Variants in TNFRSF13B observed in about 807,000 individuals in gnomAD.
TNFRSF13B encodes the protein tumor necrosis factor receptor superfamily member 13B.
TNFRSF13B carries 34 observed loss-of-function variants against 24.0 expected under a neutral mutation model. That is an observed-to-expected ratio of 1.41 (90% confidence interval 1.08 to 1.88). The LOEUF is 1.88. TNFRSF13B is among the 40% of genes most tolerant of loss of function. TNFRSF13B has a pLI of 0.00. For missense variants in TNFRSF13B, 415 were observed against 380.8 expected (o/e 1.09, Z -0.75); for synonymous variants, 173 against 150.3 (o/e 1.15, Z -1.10).
At chr17:16,940,731 C>T (rs1245853861) in intron 3 of TNFRSF13B, 1 of 1,439,892 alleles carries the variant, frequency 6.9e-7, no homozygotes, top group Admixed American at 2.6e-5. Context: ...GGCCTCAAAG[C>T]TGGAAACGTG....
At chr17:16,945,804 C>G (rs1297395177) in intron 3 of TNFRSF13B, among the ~76,000 whole-genome samples, 2 of 152,202 alleles carry the variant, frequency 1.3e-5, no homozygotes, top group Non-Finnish European at 2.9e-5. Context: ...GGTTTCCCCC[C>G]TCCCCCAGCT....
chr17:16,966,270 A>AAAAAAC (rs2087698803), intron 1 of TNFRSF13B, among the ~76,000 whole-genome samples: 1 of 151,854 alleles, frequency 6.6e-6, no homozygotes, highest in African/African-American at 2.4e-5. Flanking sequence ...AAAAACACCA[A>AAAAAAC]AAAAACAAAA....
intron 4 of TNFRSF13B, 174 bp from the exon 5 acceptor site, chr17:16,939,971 G>C: frequency 1.9e-6 from 2 of 1,036,406 alleles, no homozygotes; most frequent in South Asian, 3.5e-5. Flanking sequence ...CCTGTGCCGG[G>C]GCAGGGGTGG....
rs746147731 is a variant in TNFRSF13B at position 16,962,501 on chromosome 17, G to A, written c.61+9514C>T. On this transcript the variant is annotated intron_variant, in intron 1 of 4. Transcript: ENST00000261652. The stretch of plus-strand genomic sequence containing the variant: ...CAGCCTGGGCCACAGAGTGAGACTC[G>A]GTCTCCCCCCCCAAAAAAAAAGAAA... Among the ~76,000 whole-genome samples, 191 of 150,854 alleles carry A rather than the reference G, an allele frequency of 1.3e-3. 1 individual carries two copies. Among genetic ancestry groups the A allele is most frequent in the Non-Finnish European group, 1.5e-3 (105 of 67,744 alleles).
chr17:16,970,285 G>A (rs532148434), intron 1 of TNFRSF13B, among the ~76,000 whole-genome samples: 56 of 152,274 alleles, frequency 3.7e-4, no homozygotes, highest in Non-Finnish European at 4.7e-4. Flanking sequence ...CACTAGCTGT[G>A]TGGGCTGGGC....
In TNFRSF13B at chr17:16,939,451, C is replaced by G. The variant is rs1597656075; in HGVS notation, c.*96G>C. ...CTCTCCCTCTCTGCCTCCTCTGTCT[C>G]TCTCTCCTCATATCTCTCTCCCCTC... is the stretch of plus-strand genomic sequence containing the variant. On this transcript the variant is annotated 3_prime_UTR_variant, in exon 5 of 5. Transcript: ENST00000261652. The G allele has an allele frequency of 5.7e-6, 8 of 1,391,762 alleles. No individual in the cohort carries two copies. The highest frequency in any genetic ancestry group is 2.5e-5 in the East Asian group (1 of 39,236). The allele number at this position is 1,391,762 out of a possible 1,614,324, so 86.2% of individuals were successfully genotyped here.
intron 4 of TNFRSF13B, chr17:16,940,029 G>A (rs1324698671): frequency 1.7e-5 from 16 of 955,282 alleles, no homozygotes; most frequent in East Asian, 2.7e-5. Context: ...AGCCTGCCAC[G>A]CCCCCCAAGG....
chr17:16,970,129 C>T (rs1235480893), intron 1 of TNFRSF13B, among the ~76,000 whole-genome samples: 3 of 152,194 alleles, frequency 2.0e-5, no homozygotes, highest in Non-Finnish European at 4.4e-5. Flanking sequence ...CCTCTACCAC[C>T]ATGTGGACCT....
At position 16,948,182 on chromosome 17, in the gene TNFRSF13B, C is replaced by A. The variant is rs1353642847; in HGVS notation, c.445+556G>T. Among the ~76,000 whole-genome samples, 5 of 152,024 alleles carry A rather than the reference C, an allele frequency of 3.3e-5. No individual in the cohort carries two copies. The East Asian group carries it at 9.6e-4, about 29-fold the overall frequency. On this transcript the variant is annotated intron_variant, in intron 3 of 4. Coordinates refer to ENST00000261652, the MANE Select transcript of TNFRSF13B (RefSeq NM_012452.3). ...CAGGAACAACAGACACTGGGGCCTA[C>A]TAGAAGGGGGAGGCAGAGAGAGAGG... is the stretch of plus-strand genomic sequence containing the variant.
intron 1 of TNFRSF13B, among the ~76,000 whole-genome samples, chr17:16,965,127 A>G (rs1177697479): frequency 6.6e-6 from 1 of 152,076 alleles, no homozygotes; most frequent in African/African-American, 2.4e-5. Flanking sequence ...TTTCTTTTGT[A>G]GAGACAGGGT....
intron 3 of TNFRSF13B, among the ~76,000 whole-genome samples, chr17:16,943,460 A>G (rs1308908715): frequency 2.0e-5 from 3 of 152,106 alleles, no homozygotes; most frequent in African/African-American, 7.2e-5. Flanking sequence ...CTCCAGTTCT[A>G]ATCTCATGCC....
chr17:16,939,510 A>G lies in TNFRSF13B; in HGVS notation c.*37T>C, dbSNP rs188626884. On this transcript the variant is annotated 3_prime_UTR_variant, in exon 5 of 5. Transcript: ENST00000261652. ...TCTCTTTCTCTCTCCCCTCCTCTCC[A>G]TCTCTCTCCCTCCTCCTTTCCCTCC... The G allele has an allele frequency of 2.0e-3, 3,037 of 1,535,994 alleles. 57 individuals are homozygous for G. The African/African-American group carries it at 0.041, about 21-fold the overall frequency.
chr17:16,956,172 A>G (rs935380767), intron 1 of TNFRSF13B, among the ~76,000 whole-genome samples: 3 of 152,260 alleles, frequency 2.0e-5, no homozygotes, highest in African/African-American at 7.2e-5. Flanking sequence ...CAAGGAATAC[A>G]TACTGTGCAA....
chr17:16,945,862 G>A (rs560308365), intron 3 of TNFRSF13B, among the ~76,000 whole-genome samples: 18 of 152,032 alleles, frequency 1.2e-4, no homozygotes, highest in South Asian at 2.1e-4. Flanking sequence ...CCCTGAATCC[G>A]CTGGCACTGT....
At chr17:16,945,080 G>A (rs867135345) in intron 3 of TNFRSF13B, among the ~76,000 whole-genome samples, 25 of 152,320 alleles carry the variant, frequency 1.6e-4, no homozygotes, top group Admixed American at 3.3e-4. Context: ...GGCCCCTGGA[G>A]AAATAAAGGG....
chr17:16,957,376 A>G (rs1009565902), intron 1 of TNFRSF13B, among the ~76,000 whole-genome samples: 1 of 152,108 alleles, frequency 6.6e-6, no homozygotes, highest in Admixed American at 6.6e-5. Flanking sequence ...AGCCAAATGT[A>G]CTAATGTATG....
At chr17:16,940,954 C>T (rs1318506466) in intron 3 of TNFRSF13B, 2 of 1,063,436 alleles carry the variant, frequency 1.9e-6, no homozygotes, top group Non-Finnish European at 2.3e-6. Context: ...TCCAGGATCC[C>T]CTACAGATAC....
rs752897955 is a variant in TNFRSF13B at position 16,948,822 on chromosome 17, G to A, written c.361C>T (p.Gln121Ter). Residue 121 changes from glutamine to a stop codon, truncating the protein, a stop_gained, in exon 3 of 5, where the codon CAG (glutamine) becomes TAG (stop). Coordinates refer to ENST00000261652, the MANE Select transcript of TNFRSF13B (RefSeq NM_012452.3). LOFTEE classifies it high-confidence loss of function. ...PVNLPPELRRQRSGEVENNSD... is the reference protein window; with the variant it reads ...PVNLPPELRR Reference sequence around the variant, plus strand: ...TTGTTTTCAACTTCTCCACTCCGCTGTCTCCTGAGCTCTGGTGGAAGGTTC... The same window carrying A: ...TTGTTTTCAACTTCTCCACTCCGCTATCTCCTGAGCTCTGGTGGAAGGTTC... 4 of 1,614,088 alleles carry A rather than the reference G, an allele frequency of 2.5e-6. No individual in the cohort carries two copies. The Admixed American group carries it at 5.0e-5, about 20-fold the overall frequency.
At chr17:16,952,685 A>AAAGGTTGTCTGTG in intron 1 of TNFRSF13B, 102 bp from the exon 2 acceptor site, 1 of 1,557,994 alleles carries the variant, frequency 6.4e-7, no homozygotes, top group Non-Finnish European at 8.8e-7. Flanking sequence ...ATTCGCACAG[A>AAAGGTTGTCTGTG]CAACCTTTCT....
Sources: gnomAD v4.1 joint callset for allele counts (sites outside exome capture counted in the v4.1 genomes callset) on GRCh38, gnomAD v4.1.1 for gene constraint, MANE v1.5 for transcripts, NCBI Gene and HGNC (gene_info 2026-07-23, HGNC 2026-07-21) for gene names.